The following RASEF variants were observed in gnomAD, a reference collection of about 807,000 sequenced individuals.
RASEF encodes the protein RAS and EF-hand domain containing.
A neutral mutation model predicts 90.1 loss-of-function variants in RASEF; 68 were observed. That is an observed-to-expected ratio of 0.75 (90% CI 0.62 to 0.92). The LOEUF is 0.92. Ranked by LOEUF, RASEF falls within the 40% of genes least tolerant of loss-of-function variation. The pLI is 0.00. For synonymous variants in RASEF, 331 were observed against 345.2 expected (o/e 0.96, Z 0.46); for missense variants, 949 against 937.2 (o/e 1.01, Z -0.16).
chr9:83,002,420 T>A (rs1208058806), intron 9 of RASEF, among the ~76,000 whole-genome samples: 1 of 152,050 alleles, frequency 6.6e-6, no homozygotes, highest in East Asian at 1.9e-4. Context: ...TAACTCAATC[T>A]ATATAGCTAG....
At chr9:83,146,876 A>G in the RASEF span, among the ~76,000 whole-genome samples, 3 of 152,124 alleles carry the variant, frequency 2.0e-5, no homozygotes, top group East Asian at 5.8e-4. Flanking sequence ...GCTAACAAAA[A>G]TTAACCATCT....
At chr9:83,155,343 T>G in the RASEF span, among the ~76,000 whole-genome samples, 4 of 151,884 alleles carry the variant, frequency 2.6e-5, no homozygotes, top group African/African-American at 9.7e-5. Flanking sequence ...GAAAAAGAGG[T>G]TTAATGGACT....
chr9:82,997,361 C>T (rs1587481515), intron 13 of RASEF, among the ~76,000 whole-genome samples: 2 of 152,238 alleles, frequency 1.3e-5, no homozygotes, highest in East Asian at 1.9e-4. Flanking sequence ...CCAAACAACC[C>T]CAAGAATGTC....
rs150574508 is a variant in RASEF at position 82,995,107 on chromosome 9, T to C, written c.1920+1905A>G. ...AGAATTCATCTCTTCTATAGTTTTC[T>C]TCCTTTTCAGACCATAGGAAAACGT... On this transcript the variant is annotated intron_variant, in intron 14 of 16. Transcript: ENST00000376447. Among the ~76,000 whole-genome samples, 278 of 152,352 alleles carry C rather than the reference T, an allele frequency of 1.8e-3. 2 individuals are homozygous for C. Among genetic ancestry groups the C allele is most frequent in the African/African-American group, 6.3e-3 (263 of 41,594 alleles).
the RASEF span, among the ~76,000 whole-genome samples, chr9:83,092,672 G>C: frequency 6.6e-6 from 1 of 152,122 alleles, no homozygotes; most frequent in African/African-American, 2.4e-5. Context: ...GTGTGGAAGG[G>C]GACCCGAGCG....
the RASEF span, among the ~76,000 whole-genome samples, chr9:83,205,455 CT>C: frequency 2.0e-5 from 3 of 152,290 alleles, no homozygotes; most frequent in African/African-American, 7.2e-5. Flanking sequence ...TACAACCTTC[CT>C]CTGTGACTAT....
chr9:83,032,396 G>A (rs972417982), intron 1 of RASEF, among the ~76,000 whole-genome samples: 11 of 152,178 alleles, frequency 7.2e-5, no homozygotes, highest in Non-Finnish European at 4.4e-5. Context: ...CAAATACCAT[G>A]CAGATCTGTT....
At chr9:83,198,762 C>T in the RASEF span, among the ~76,000 whole-genome samples, 2 of 151,882 alleles carry the variant, frequency 1.3e-5, no homozygotes, top group Non-Finnish European at 2.9e-5. Context: ...GGAGACAAAG[C>T]CCAAAGAGAT....
chr9:83,179,771 T>C, the RASEF span, among the ~76,000 whole-genome samples: 1 of 152,114 alleles, frequency 6.6e-6, no homozygotes, highest in Admixed American at 6.6e-5. Flanking sequence ...GCCTAGTGTG[T>C]ATAATATGCC....
chr9:83,055,325 C>T (rs1830083019), intron 1 of RASEF: 1 of 399,624 alleles, frequency 2.5e-6, no homozygotes, highest in African/African-American at 2.1e-5. Flanking sequence ...CGTCCGTCAC[C>T]CCTTTCTTTG....
the RASEF span, among the ~76,000 whole-genome samples, chr9:83,079,357 T>C: frequency 6.6e-6 from 1 of 152,178 alleles, no homozygotes; most frequent in Admixed American, 6.6e-5. Context: ...AGATCATAGA[T>C]GTGGGGCCTT....
intron 1 of RASEF, among the ~76,000 whole-genome samples, chr9:83,043,568 C>T (rs1257485832): frequency 6.6e-6 from 1 of 152,176 alleles, no homozygotes; most frequent in Non-Finnish European, 1.5e-5. Context: ...ACAAAATATA[C>T]AGAATACTTG....
intron 16 of RASEF, among the ~76,000 whole-genome samples, chr9:82,986,804 G>C (rs1401294712): frequency 6.6e-6 from 1 of 152,176 alleles, no homozygotes; most frequent in Non-Finnish European, 1.5e-5. Context: ...TCTTGAACTT[G>C]AATCTACTGC....
chr9:83,040,040 C>T (rs1325771981), intron 1 of RASEF, among the ~76,000 whole-genome samples: 1 of 152,080 alleles, frequency 6.6e-6, no homozygotes, highest in Non-Finnish European at 1.5e-5. Context: ...CTCATGAGAT[C>T]TGATGGTTTT....
the RASEF span, among the ~76,000 whole-genome samples, chr9:83,186,517 G>A: frequency 3.9e-5 from 6 of 152,038 alleles, no homozygotes; most frequent in African/African-American, 9.7e-5. Flanking sequence ...CCTCCTGCAC[G>A]CTGTTCCTGC....
At chr9:83,008,342 C>T (rs1479971668) in intron 6 of RASEF, among the ~76,000 whole-genome samples, 1 of 152,086 alleles carries the variant, frequency 6.6e-6, no homozygotes, top group African/African-American at 2.4e-5. Context: ...CTTAAACTAG[C>T]TTTTAAACTT....
intron 1 of RASEF, among the ~76,000 whole-genome samples, chr9:83,052,260 G>A (rs1216766515): frequency 1.4e-5 from 2 of 142,984 alleles, no homozygotes; most frequent in Non-Finnish European, 3.0e-5. Context: ...ACTTCTTCGT[G>A]GTTTAGTCTT....
chr9:83,074,608 T>C, the RASEF span, among the ~76,000 whole-genome samples: 2 of 152,208 alleles, frequency 1.3e-5, no homozygotes, highest in African/African-American at 4.8e-5. Context: ...TATATGAAAT[T>C]CAAATTTCAG....
chr9:83,054,534 T>C (rs1241352857), intron 1 of RASEF: 2 of 146,488 alleles, frequency 1.4e-5, no homozygotes, highest in African/African-American at 5.3e-5. Flanking sequence ...TGAAGCCTTC[T>C]TCTCTCAGCT....
Sources: gnomAD v4.1 joint callset for allele counts (sites outside exome capture counted in the v4.1 genomes callset) on GRCh38, gnomAD v4.1.1 for gene constraint, MANE v1.5 for transcripts, NCBI Gene and HGNC (gene_info 2026-07-23, HGNC 2026-07-21) for gene names.